The following TBC1D22B variants were observed in gnomAD, a reference collection of about 807,000 sequenced individuals.
TBC1D22B encodes chromosome 6 open reading frame 197.
TBC1D22B carries 32 observed loss-of-function variants against 69.1 expected under a neutral mutation model. That is an observed-to-expected ratio of 0.46 (90% CI 0.35 to 0.62). The LOEUF (loss-of-function observed/expected upper bound fraction) is 0.62. Among genes scored for constraint, TBC1D22B ranks in the 20% least tolerant of loss-of-function variants. The pLI, the probability that TBC1D22B is intolerant of heterozygous loss-of-function variation, is 0.00. For missense variants in TBC1D22B, 462 were observed against 630.9 expected, an observed-to-expected ratio of 0.73 and a Z score of 2.87; for synonymous variants, 206 against 229.8, an observed-to-expected ratio of 0.90 and a Z score of 0.94.
intron 12 of TBC1D22B, among the ~76,000 whole-genome samples, chr6:37,330,602 C>A (rs138274129): frequency 1.7e-3 from 257 of 152,146 alleles, no homozygotes; most frequent in Non-Finnish European, 3.1e-3. Context: ...GCTGTGATTG[C>A]GTCACTGCAC....
At chr6:37,276,813 C>G (rs1396697615) in intron 2 of TBC1D22B, among the ~76,000 whole-genome samples, 1 of 152,056 alleles carries the variant, frequency 6.6e-6, no homozygotes, top group Non-Finnish European at 1.5e-5. Context: ...ATCGCCTGAA[C>G]CGAGGAGGTG....
At chr6:37,263,636 T>A (rs543785335) in intron 1 of TBC1D22B, among the ~76,000 whole-genome samples, 4 of 152,304 alleles carry the variant, frequency 2.6e-5, no homozygotes, top group African/African-American at 9.6e-5. Flanking sequence ...CAGGCTGGAG[T>A]GCAGTGGCCC....
At chr6:37,263,045 C>G (rs187318529) in intron 1 of TBC1D22B, among the ~76,000 whole-genome samples, 37 of 152,336 alleles carry the variant, frequency 2.4e-4, no homozygotes, top group Admixed American at 2.0e-3. Context: ...AGTGTGTTAA[C>G]TAACCTCTGG....
intron 8 of TBC1D22B, among the ~76,000 whole-genome samples, chr6:37,304,373 A>G (rs1202049025): frequency 6.6e-6 from 1 of 152,260 alleles, no homozygotes; most frequent in Non-Finnish European, 1.5e-5. Flanking sequence ...TTATACAGAC[A>G]TAAAATGAAA....
intron 12 of TBC1D22B, among the ~76,000 whole-genome samples, chr6:37,326,376 CAA>C (rs10651731): frequency 0.018 from 2,062 of 115,858 alleles, 53 homozygotes; most frequent in African/African-American, 0.059. Context: ...GACTGCGCCT[CAA>C]AAAAAAAAAA....
At chr6:37,278,871 T>G (rs1766741084) in intron 2 of TBC1D22B, among the ~76,000 whole-genome samples, 1 of 151,954 alleles carries the variant, frequency 6.6e-6, no homozygotes, top group African/African-American at 2.4e-5. Context: ...AGGTCAAGGC[T>G]GCAGAGAGCC....
At chr6:37,267,467 TATA>T (rs1441247688) in intron 1 of TBC1D22B, among the ~76,000 whole-genome samples, 7 of 134,954 alleles carry the variant, frequency 5.2e-5, no homozygotes, top group African/African-American at 8.5e-5. Context: ...TACACATATA[TATA>T]ATATATATAC....
chr6:37,270,945 T>C (rs574871506), intron 2 of TBC1D22B, among the ~76,000 whole-genome samples: 34 of 151,388 alleles, frequency 2.2e-4, no homozygotes, highest in Middle Eastern at 3.4e-3. Context: ...AGGGGTGGGG[T>C]TGAGGGGAGA....
chr6:37,318,280 T>C (rs1768139998), intron 12 of TBC1D22B, among the ~76,000 whole-genome samples: 1 of 152,160 alleles, frequency 6.6e-6, no homozygotes, highest in Non-Finnish European at 1.5e-5. Flanking sequence ...TCCTGATGAA[T>C]TGGGTGTAGA....
intron 8 of TBC1D22B, 25 bp downstream of exon 8, chr6:37,291,382 A>C (rs1358676505): frequency 6.7e-7 from 1 of 1,490,492 alleles, no homozygotes; most frequent in Non-Finnish European, 9.2e-7. Flanking sequence ...TACCAAGCTG[A>C]ACAAGCTATT....
intron 2 of TBC1D22B, 113 bp from the exon 3 acceptor site, chr6:37,279,191 C>G: frequency 9.3e-7 from 1 of 1,071,466 alleles, no homozygotes; most frequent in East Asian, 2.6e-5. Flanking sequence ...TTTGAAGAAG[C>G]TAATGATTAT....
At position 37,297,106 on chromosome 6, in the gene TBC1D22B, C is replaced by T. The variant is rs576421885; in HGVS notation, c.982+5749C>T. 1.1e-3 allele frequency among the ~76,000 whole-genome samples: 162 copies of T among 152,302 alleles called. 1 individual carries two copies. In the South Asian group the frequency reaches 0.014, roughly 13 times the overall value. On this transcript the variant is annotated intron_variant, in intron 8 of 12. Transcript: ENST00000373491. ...CCTCCTAAAGTGCTGGGATTACAGG[C>T]GTGAGCCACTGCACCTGGCCAAAGA...
At chr6:37,276,511 T>C (rs1766677696) in intron 2 of TBC1D22B, among the ~76,000 whole-genome samples, 2 of 152,218 alleles carry the variant, frequency 1.3e-5, no homozygotes, top group Non-Finnish European at 2.9e-5. Context: ...CAGCCTTTTC[T>C]CCCTTCTTTC....
At chr6:37,306,811 C>T (rs1376031977) in intron 8 of TBC1D22B, among the ~76,000 whole-genome samples, 2 of 152,198 alleles carry the variant, frequency 1.3e-5, no homozygotes, top group African/African-American at 2.4e-5. Context: ...TTGACAGGCA[C>T]AGTGTCAGAA....
chr6:37,305,740 T>G (rs1767695416), intron 8 of TBC1D22B, among the ~76,000 whole-genome samples: 1 of 152,192 alleles, frequency 6.6e-6, no homozygotes, highest in South Asian at 2.1e-4. Flanking sequence ...CAGAATGGTC[T>G]CGATCTCCTG....
chr6:37,260,622 C>G (rs138392381), intron 1 of TBC1D22B, among the ~76,000 whole-genome samples: 1 of 152,304 alleles, frequency 6.6e-6, no homozygotes, highest in African/African-American at 2.4e-5. Flanking sequence ...AAAGAAACTA[C>G]ATACCTGTTT....
chr6:37,263,385 G>A (rs73419831), intron 1 of TBC1D22B, among the ~76,000 whole-genome samples: 4,842 of 152,290 alleles, frequency 0.032, 242 homozygotes, highest in African/African-American at 0.11. Flanking sequence ...TATGTGCAAT[G>A]TGCAGTCTTT....
chr6:37,263,796 G>A (rs1449433441), intron 1 of TBC1D22B, among the ~76,000 whole-genome samples: 1 of 152,148 alleles, frequency 6.6e-6, no homozygotes, highest in African/African-American at 2.4e-5. Flanking sequence ...ATTTTGGCCA[G>A]GATAGTCTTG....
intron 2 of TBC1D22B, among the ~76,000 whole-genome samples, chr6:37,278,532 G>A (rs562028793): frequency 6.6e-6 from 1 of 152,262 alleles, no homozygotes; most frequent in African/African-American, 2.4e-5. Flanking sequence ...GGTGGGGTAA[G>A]GGCAGAGGGC....
Sources: allele counts gnomAD v4.1 joint callset (sites outside exome capture counted in the v4.1 genomes callset), GRCh38; gene constraint gnomAD v4.1.1; transcripts MANE v1.5; gene names NCBI Gene and HGNC (gene_info 2026-07-23, HGNC 2026-07-21).